GRID2: variants seen among roughly 807,000 people sequenced by gnomAD.
GRID2 encodes glutamate receptor ionotropic, delta-2.
In GRID2, 33 loss-of-function variants were observed where a neutral mutation model predicts 114.8. That is an observed-to-expected ratio of 0.29 (90% CI 0.22 to 0.38). GRID2 has a LOEUF of 0.38. GRID2 is among the 10% of genes least tolerant of loss of function. The pLI is 1.00. For synonymous variants in GRID2, 505 were observed against 449.9 expected (o/e 1.12, Z -1.55); for missense variants, 1,184 against 1,257.7 (o/e 0.94, Z 0.89).
intron 1 of GRID2, among the ~76,000 whole-genome samples, chr4:92,509,998 A>T (rs1724164892): frequency 6.6e-6 from 1 of 151,936 alleles, no homozygotes; most frequent in Non-Finnish European, 1.5e-5. Flanking sequence ...CTAATGTCAT[A>T]TTCTGACATA....
intron 2 of GRID2, among the ~76,000 whole-genome samples, chr4:92,938,012 G>T (rs1646967807): frequency 6.8e-6 from 1 of 146,662 alleles, no homozygotes; most frequent in Non-Finnish European, 1.5e-5. Flanking sequence ...TGTTGAGGAA[G>T]CTTCTTTTAA....
At chr4:92,667,841 C>T (rs540282094) in intron 2 of GRID2, among the ~76,000 whole-genome samples, 29 of 151,732 alleles carry the variant, frequency 1.9e-4, no homozygotes, top group Admixed American at 5.9e-4. Flanking sequence ...AAGTTGTTTG[C>T]GTTTCTAAAA....
intron 8 of GRID2, among the ~76,000 whole-genome samples, chr4:93,256,145 C>G (rs539731016): frequency 9.2e-5 from 14 of 151,952 alleles, no homozygotes; most frequent in African/African-American, 3.4e-4. Context: ...AACTTTTAGC[C>G]TTTTTTTCAC....
At chr4:92,716,734 T>A (rs1020685183) in intron 2 of GRID2, among the ~76,000 whole-genome samples, 1 of 152,202 alleles carries the variant, frequency 6.6e-6, no homozygotes, top group African/African-American at 2.4e-5. Context: ...AATCCTATTA[T>A]ACGCTTTGAG....
At chr4:92,325,900 T>C (rs1480218301) in intron 1 of GRID2, among the ~76,000 whole-genome samples, 1 of 151,884 alleles carries the variant, frequency 6.6e-6, no homozygotes, top group Non-Finnish European at 1.5e-5. Context: ...TAATTTCTTT[T>C]AACTTTATTT....
chr4:93,246,419 C>G (rs1748213362), intron 8 of GRID2, among the ~76,000 whole-genome samples: 1 of 151,830 alleles, frequency 6.6e-6, no homozygotes, highest in South Asian at 2.1e-4. Context: ...AACCTCGCCT[C>G]TACTAAAAAT....
intron 4 of GRID2, among the ~76,000 whole-genome samples, chr4:93,135,339 G>A (rs1462759315): frequency 6.6e-6 from 1 of 152,122 alleles, no homozygotes; most frequent in African/African-American, 2.4e-5. Context: ...ACAATTATTA[G>A]GGAGCAGCTG....
chr4:93,455,363 GA>G (rs1723079837), intron 10 of GRID2, among the ~76,000 whole-genome samples: 1 of 151,866 alleles, frequency 6.6e-6, no homozygotes, highest in Non-Finnish European at 1.5e-5. Flanking sequence ...AATGACCCAC[GA>G]AAAAAGACAA....
At chr4:92,904,383 CTT>C (rs1394854182) in intron 2 of GRID2, among the ~76,000 whole-genome samples, 4 of 150,292 alleles carry the variant, frequency 2.7e-5, no homozygotes, top group African/African-American at 9.7e-5. Flanking sequence ...TAAATATTAT[CTT>C]GATATTTATT....
At position 93,456,037 on chromosome 4, in the gene GRID2, G is replaced by GT. The variant is rs376848950; in HGVS notation, c.1858+64dup. 5.0e-5 allele frequency: 48 copies of GT among 951,202 alleles called. No homozygotes were observed. The African/African-American group carries it at 7.4e-4, about 15-fold the overall frequency. The allele number at this position is 951,202 out of a possible 1,614,324, so 58.9% of individuals were successfully genotyped here. ...TAGAATGTGATGTTTCCAAAGCCAT[G>GT]TATTCAGTTAATAAGGTTCTGTATC... is the stretch of plus-strand genomic sequence containing the variant. On this transcript the variant is annotated intron_variant, in intron 11 of 15. Coordinates refer to ENST00000282020, the MANE Select transcript of GRID2 (RefSeq NM_001510.4).
chr4:93,703,913 G>A (rs1461414237), intron 14 of GRID2, among the ~76,000 whole-genome samples: 1 of 152,000 alleles, frequency 6.6e-6, no homozygotes, highest in Admixed American at 6.6e-5. Flanking sequence ...CATTTGGCTT[G>A]GTTCCAAGTC....
At chr4:92,985,156 T>C (rs1754429356) in intron 2 of GRID2, among the ~76,000 whole-genome samples, 1 of 152,148 alleles carries the variant, frequency 6.6e-6, no homozygotes, top group East Asian at 1.9e-4. Context: ...CAACAATTAT[T>C]ACCGTGGTTT....
intron 4 of GRID2, among the ~76,000 whole-genome samples, chr4:93,160,905 C>T (rs1412334630): frequency 6.6e-6 from 1 of 151,676 alleles, no homozygotes; most frequent in African/African-American, 2.4e-5. Flanking sequence ...TAAAATTTGA[C>T]AACACTTTGT....
rs752418729 is a variant in GRID2, at chr4:93,334,395, G to A, written c.1246-61212G>A. 9.4e-4 allele frequency among the ~76,000 whole-genome samples: 142 copies of A among 151,584 alleles called. 1 individual carries two copies. Among genetic ancestry groups the A allele is most frequent in the Middle Eastern group, 6.8e-3 (2 of 294 alleles). On this transcript the variant is annotated intron_variant, in intron 8 of 15. Coordinates refer to ENST00000282020, the MANE Select transcript of GRID2 (RefSeq NM_001510.4). Reference sequence around the variant, plus strand: ...GACTTACTGTGAAAAAAAAACCGTCGCACTTTTTGTGCAGCATCTGCTCTC... The same window carrying A: ...GACTTACTGTGAAAAAAAAACCGTCACACTTTTTGTGCAGCATCTGCTCTC...
At chr4:92,979,149 A>G (rs2149184400) in intron 2 of GRID2, among the ~76,000 whole-genome samples, 1 of 152,278 alleles carries the variant, frequency 6.6e-6, no homozygotes, top group African/African-American at 2.4e-5. Context: ...GGGTCATTGT[A>G]CAAAATATTC....
intron 13 of GRID2, among the ~76,000 whole-genome samples, chr4:93,608,575 T>C (rs1373684138): frequency 6.9e-6 from 1 of 144,272 alleles, no homozygotes; most frequent in African/African-American, 2.6e-5. Flanking sequence ...GGTTTTTTGT[T>C]CTTGCAATAG....
intron 1 of GRID2, among the ~76,000 whole-genome samples, chr4:92,561,154 T>C (rs1579583649): frequency 6.6e-6 from 1 of 152,322 alleles, no homozygotes; most frequent in Non-Finnish European, 1.5e-5. Flanking sequence ...TGAAAGGAAA[T>C]GTTGAAGACT....
At chr4:92,457,055 A>G (rs557130206) in intron 1 of GRID2, among the ~76,000 whole-genome samples, 34 of 152,238 alleles carry the variant, frequency 2.2e-4, no homozygotes, top group Admixed American at 5.9e-4. Context: ...TACAACTGGC[A>G]TGAGCTTCTT....
At chr4:93,276,649 T>C (rs998091198) in intron 8 of GRID2, among the ~76,000 whole-genome samples, 1 of 152,028 alleles carries the variant, frequency 6.6e-6, no homozygotes, top group South Asian at 2.1e-4. Flanking sequence ...TTGTTAAATA[T>C]ATTTCTATTT....
Sources: gnomAD v4.1 joint callset for allele counts (sites outside exome capture counted in the v4.1 genomes callset) on GRCh38, gnomAD v4.1.1 for gene constraint, MANE v1.5 for transcripts, NCBI Gene and HGNC (gene_info 2026-07-23, HGNC 2026-07-21) for gene names.